The following PTPRE variants were observed in gnomAD, a reference collection of about 807,000 sequenced individuals.
PTPRE encodes protein tyrosine phosphatase receptor type E.
PTPRE carries 51 observed loss-of-function variants against 102.0 expected under a neutral mutation model. That is an observed-to-expected ratio of 0.50 (90% CI 0.40 to 0.63). PTPRE has a LOEUF of 0.63. Among genes scored for constraint, PTPRE ranks in the 30% least tolerant of loss-of-function variants. The pLI, the probability that PTPRE is intolerant of heterozygous loss-of-function variation, is 0.00. For missense variants in PTPRE, 752 were observed against 915.1 expected (o/e 0.82, Z 2.30); for synonymous variants, 345 against 348.2 (o/e 0.99, Z 0.10).
intron 9 of PTPRE, 54 bp from the exon 10 acceptor site, chr10:128,063,026 ACCC>A: frequency 6.2e-7 from 1 of 1,604,690 alleles, no homozygotes; most frequent in Non-Finnish European, 8.5e-7. Context: ...CGGGGCTGGG[ACCC>A]CAAAGGGACT....
chr10:127,958,861 C>G (rs1397025505), intron 1 of PTPRE, among the ~76,000 whole-genome samples: 1 of 140,450 alleles, frequency 7.1e-6, no homozygotes, highest in East Asian at 2.0e-4. Context: ...TATTTATTTT[C>G]TTCAATAGAT....
At chr10:128,059,799 G>A (rs1169222793) in intron 7 of PTPRE, among the ~76,000 whole-genome samples, 2 of 152,166 alleles carry the variant, frequency 1.3e-5, no homozygotes, top group African/African-American at 4.8e-5. Flanking sequence ...ATTCTGGAGT[G>A]CATCTTTTCA....
intron 1 of PTPRE, among the ~76,000 whole-genome samples, chr10:127,964,134 G>T (rs1008787628): frequency 1.3e-5 from 2 of 151,990 alleles, no homozygotes; most frequent in African/African-American, 4.8e-5. Context: ...CTCCCAGCTG[G>T]CAGAGTATCC....
intron 12 of PTPRE, 89 bp downstream of exon 12, chr10:128,068,375 TCAGGGTGGG>T (rs1850468260): frequency 6.9e-7 from 1 of 1,454,184 alleles, no homozygotes. Context: ...GGGACCAATA[TCAGGGTGGG>T]CAGAGGTTTG....
chr10:128,044,368 C>T (rs187097007), intron 3 of PTPRE, among the ~76,000 whole-genome samples: 8 of 152,354 alleles, frequency 5.3e-5, no homozygotes, highest in African/African-American at 1.7e-4. Flanking sequence ...GTGAGAGCAG[C>T]TGTGCCCTGG....
At chr10:127,993,473 C>G (rs989208811) in intron 2 of PTPRE, among the ~76,000 whole-genome samples, 1 of 152,094 alleles carries the variant, frequency 6.6e-6, no homozygotes, top group Non-Finnish European at 1.5e-5. Flanking sequence ...GGGCCAGGGT[C>G]TCAGCTCCTG....
At chr10:128,076,225 C>T (rs1351335000) in intron 17 of PTPRE, among the ~76,000 whole-genome samples, 3 of 152,138 alleles carry the variant, frequency 2.0e-5, no homozygotes, top group African/African-American at 7.2e-5. Flanking sequence ...GGCCATGACA[C>T]GTGGAAGTGC....
intron 2 of PTPRE, among the ~76,000 whole-genome samples, chr10:127,984,506 C>T (rs1055312024): frequency 6.6e-6 from 1 of 152,188 alleles, no homozygotes. Flanking sequence ...AAGCCTGGGT[C>T]TCCTATCTGT....
intron 5 of PTPRE, among the ~76,000 whole-genome samples, chr10:128,048,990 TCTC>T (rs1372403649): frequency 2.0e-5 from 3 of 152,106 alleles, no homozygotes; most frequent in Non-Finnish European, 4.4e-5. Flanking sequence ...AACGCGTACT[TCTC>T]CTTCTCAATG....
chr10:128,070,255 C>T lies in PTPRE; in HGVS notation c.1144-46C>T. 3 of 1,557,516 alleles carry T rather than the reference C, an allele frequency of 1.9e-6. No individual in the cohort carries two copies. Among genetic ancestry groups the T allele is most frequent in the Non-Finnish European group, 2.6e-6 (3 of 1,150,048 alleles). ...CTGCCAAGCTCCACGTGGGCCAAGA[C>T]TGCAGGGCAGAGTTGAGGGTGTGGG... On this transcript the variant is annotated intron_variant, in intron 13 of 20. Coordinates refer to ENST00000254667, the MANE Select transcript of PTPRE (RefSeq NM_006504.6). The surrounding 1 kb of genome is among the most constrained non-coding windows in gnomAD (Gnocchi z 4.8).
At position 128,085,161 on chromosome 10, in the gene PTPRE, A is replaced by G. The variant is rs187369024; in HGVS notation, c.*2255A>G. The G allele has an allele frequency of 1.5e-5, 7 of 455,298 alleles. No individual in the cohort carries two copies. The East Asian group carries it at 4.9e-4, about 32-fold the overall frequency. 28.2% of individuals were successfully genotyped at this position (455,298 alleles called of 1,614,324 possible). ...TTCGCCCTTTAGCGGGGAGGTCATT[A>G]CAGCCTCATGGCCTCTACCAAGGCC... On this transcript the variant is annotated 3_prime_UTR_variant, in exon 21 of 21. Transcript: ENST00000254667.
intron 2 of PTPRE, among the ~76,000 whole-genome samples, chr10:128,027,550 G>A (rs1313281608): frequency 3.9e-5 from 6 of 152,234 alleles, no homozygotes; most frequent in Non-Finnish European, 5.9e-5. Flanking sequence ...AAAGGGGTCA[G>A]CCTCCGCCTC....
intron 6 of PTPRE, 54 bp from the exon 7 acceptor site, chr10:128,056,069 G>A (rs1320717922): frequency 7.2e-7 from 1 of 1,385,292 alleles, no homozygotes; most frequent in South Asian, 1.2e-5. Flanking sequence ...AAACTGACAT[G>A]AGCATGGTGC....
intron 2 of PTPRE, among the ~76,000 whole-genome samples, chr10:128,029,786 C>A (rs1470370423): frequency 6.6e-6 from 1 of 152,252 alleles, no homozygotes; most frequent in Non-Finnish European, 1.5e-5. Flanking sequence ...CTAAGGCCCC[C>A]ACAGTGGGCA....
chr10:127,948,800 G>A (rs1008445950), intron 1 of PTPRE, among the ~76,000 whole-genome samples: 10 of 152,310 alleles, frequency 6.6e-5, no homozygotes, highest in African/African-American at 2.4e-4. Context: ...ACAGGATTAA[G>A]GAATACCTAA....
intron 2 of PTPRE, among the ~76,000 whole-genome samples, chr10:128,014,740 G>A (rs1845284590): frequency 6.6e-6 from 1 of 152,066 alleles, no homozygotes; most frequent in East Asian, 1.9e-4. Context: ...CTTCACCTTG[G>A]CTTGTTGGCG....
At chr10:128,018,431 C>T (rs987238582) in intron 2 of PTPRE, among the ~76,000 whole-genome samples, 7 of 152,222 alleles carry the variant, frequency 4.6e-5, no homozygotes, top group African/African-American at 9.7e-5. Context: ...GTCATCCTGA[C>T]GCTTAAATTT....
At chr10:128,065,386 G>A (rs1849991583) in intron 10 of PTPRE, among the ~76,000 whole-genome samples, 1 of 152,314 alleles carries the variant, frequency 6.6e-6, no homozygotes, top group South Asian at 2.1e-4. Flanking sequence ...GCGAAGTGAT[G>A]GAGGACACCA....
chr10:128,071,092 G>C (rs749736824), intron 15 of PTPRE, 191 bp downstream of exon 15: 6 of 613,016 alleles, frequency 9.8e-6, no homozygotes, highest in Non-Finnish European at 1.7e-5. Flanking sequence ...TGAAGCACCA[G>C]CTGACCCAGA....
Sources: gnomAD v4.1 joint callset for allele counts (sites outside exome capture counted in the v4.1 genomes callset) on GRCh38, gnomAD v4.1.1 for gene constraint, Gnocchi (gnomAD v3.1) non-coding constraint, MANE v1.5 for transcripts, NCBI Gene and HGNC (gene_info 2026-07-23, HGNC 2026-07-21) for gene names.